TENT5D: variants seen among roughly 807,000 people sequenced by gnomAD.
TENT5D encodes the protein terminal nucleotidyltransferase 5D, also known as cancer/testis antigen 112.
For missense variants in TENT5D, 191 were observed against 287.0 expected (o/e 0.67, Z 2.42); for synonymous variants, 103 against 100.6 (o/e 1.02, Z -0.15).
chrX:80,368,849 A>T (rs1343334540), intron 3 of TENT5D, among the ~76,000 whole-genome samples: 1 of 112,255 alleles, frequency 8.9e-6, no homozygotes, highest in Non-Finnish European at 1.9e-5. Context: ...TGTTTAAAAT[A>T]GCTCCTCATA....
At chrX:80,337,837 T>C (rs1278671445) in intron 2 of TENT5D, among the ~76,000 whole-genome samples, 1 of 110,836 alleles carries the variant, frequency 9.0e-6, no homozygotes, top group Non-Finnish European at 1.9e-5. Context: ...CAATCTTGGC[T>C]CGCTGCAACT....
In TENT5D at chrX:80,386,980, A is replaced by G. The variant is rs1931027596; in HGVS notation, c.-142+44416A>G. On this transcript the variant is annotated intron_variant, in intron 3 of 4. Coordinates refer to the TENT5D transcript ENST00000538312. ...GTAGTCCTCTAGAGATCCAGTAAGC[A>G]TTTATCAACTAAAAGGAAAGAAAAA... is the stretch of plus-strand genomic sequence containing the variant. Among the ~76,000 whole-genome samples, 3 of 112,460 alleles carry G rather than the reference A, an allele frequency of 2.7e-5. No homozygotes were observed. The South Asian group carries it at 1.1e-3, about 41-fold the overall frequency.
chrX:80,385,814 A>G (rs1328801475), intron 3 of TENT5D, among the ~76,000 whole-genome samples: 1 of 112,714 alleles, frequency 8.9e-6, no homozygotes, highest in African/African-American at 3.2e-5. Context: ...CAAAAGACAC[A>G]TGAAAAAATG....
intron 3 of TENT5D, among the ~76,000 whole-genome samples, chrX:80,353,624 G>T (rs912594041): frequency 8.9e-6 from 1 of 112,140 alleles, no homozygotes; most frequent in Non-Finnish European, 1.9e-5. Flanking sequence ...TCTTTTTATG[G>T]CTGCATAGTA....
At chrX:80,379,277 A>T (rs1930802863) in intron 3 of TENT5D, among the ~76,000 whole-genome samples, 2 of 108,686 alleles carry the variant, frequency 1.8e-5, no homozygotes, top group South Asian at 8.5e-4. Flanking sequence ...TTGAACCAGC[A>T]TTGCATCCCA....
intron 3 of TENT5D, among the ~76,000 whole-genome samples, chrX:80,365,639 G>A (rs1295182908): frequency 2.7e-5 from 3 of 110,409 alleles, no homozygotes; most frequent in Non-Finnish European, 5.7e-5. Context: ...TCAGGAGTTC[G>A]AGACCAGCCT....
chrX:80,412,463 T>G (rs1320210806), intron 3 of TENT5D, among the ~76,000 whole-genome samples: 1 of 112,702 alleles, frequency 8.9e-6, no homozygotes, highest in Non-Finnish European at 1.9e-5. Context: ...TTCCACTGCA[T>G]TGTCAAGCTG....
At chrX:80,411,012 C>T (rs1422546219) in intron 3 of TENT5D, among the ~76,000 whole-genome samples, 1 of 101,899 alleles carries the variant, frequency 9.8e-6, no homozygotes, top group African/African-American at 3.6e-5. Context: ...CCAAACACCT[C>T]ATATTCTCAC....
intron 3 of TENT5D, among the ~76,000 whole-genome samples, chrX:80,408,919 C>T (rs1258773238): frequency 2.7e-5 from 3 of 110,487 alleles, no homozygotes; most frequent in East Asian, 5.7e-4. Flanking sequence ...TGGGCTTCAT[C>T]CCTGGGATGC....
At chrX:80,373,637 A>G (rs1039105385) in intron 3 of TENT5D, among the ~76,000 whole-genome samples, 2 of 111,080 alleles carry the variant, frequency 1.8e-5, no homozygotes, top group South Asian at 3.8e-4. Flanking sequence ...CTATATATCT[A>G]TTCCTCTTGG....
intron 3 of TENT5D, among the ~76,000 whole-genome samples, chrX:80,409,216 CCTATT>C (rs1931578124): frequency 9.0e-6 from 1 of 111,047 alleles, no homozygotes; most frequent in Admixed American, 9.6e-5. Flanking sequence ...TCTCACCACT[CCTATT>C]CAACGTACTG....
chrX:80,429,330 T>C (rs1932041027), intron 1 of TENT5D, among the ~76,000 whole-genome samples: 3 of 110,713 alleles, frequency 2.7e-5, no homozygotes, highest in African/African-American at 9.9e-5. Context: ...TGAGACAGAG[T>C]CTTGTTTTGT....
At chrX:80,340,837 A>G (rs1929943968) in intron 2 of TENT5D, among the ~76,000 whole-genome samples, 1 of 112,101 alleles carries the variant, frequency 8.9e-6, no homozygotes, top group Non-Finnish European at 1.9e-5. Context: ...ACCCCCAGAT[A>G]ACCATTTATC....
At chrX:80,379,674 G>C (rs1245244857) in intron 3 of TENT5D, among the ~76,000 whole-genome samples, 2 of 110,409 alleles carry the variant, frequency 1.8e-5, no homozygotes, top group Non-Finnish European at 3.8e-5. Context: ...ACATCTTCCT[G>C]GTTTAGTCTT....
intron 3 of TENT5D, among the ~76,000 whole-genome samples, chrX:80,356,047 G>A (rs1930277763): frequency 8.9e-6 from 1 of 112,259 alleles, no homozygotes; most frequent in Admixed American, 9.4e-5. Flanking sequence ...CATCTAGGAA[G>A]GCAGTCCCAC....
intron 3 of TENT5D, among the ~76,000 whole-genome samples, chrX:80,410,985 A>G (rs1208976285): frequency 9.5e-6 from 1 of 105,239 alleles, no homozygotes; most frequent in Non-Finnish European, 1.9e-5. Flanking sequence ...TCAGTAAACT[A>G]TCGCAAGAAC....
chrX:80,380,482 G>T (rs930139554), intron 3 of TENT5D, among the ~76,000 whole-genome samples: 1 of 110,913 alleles, frequency 9.0e-6, no homozygotes, highest in African/African-American at 3.3e-5. Context: ...CGTCTGCTTG[G>T]TGCTGAGCTG....
At chrX:80,412,179 C>T (rs934087853) in intron 3 of TENT5D, among the ~76,000 whole-genome samples, 5 of 112,865 alleles carry the variant, frequency 4.4e-5, no homozygotes, top group Admixed American at 9.3e-5. Context: ...TCGAGCTGTA[C>T]GTTGGCCCCT....
At chrX:80,407,206 A>C (rs952163775) in intron 3 of TENT5D, among the ~76,000 whole-genome samples, 2 of 109,499 alleles carry the variant, frequency 1.8e-5, no homozygotes, top group East Asian at 2.9e-4. Flanking sequence ...CGAGCAAAAT[A>C]ACCAGCTAAC....
Sources: allele counts gnomAD v4.1 joint callset (sites outside exome capture counted in the v4.1 genomes callset), GRCh38; gene constraint gnomAD v4.1.1; transcripts MANE v1.5; gene names NCBI Gene and HGNC (gene_info 2026-07-23, HGNC 2026-07-21).